Variants in CHSY1 observed in about 807,000 individuals in gnomAD.
CHSY1 encodes chondroitin sulfate synthase 1, also known as N-acetylgalactosaminyl-proteoglycan 3-beta-glucuronosyltransferase 1.
A neutral mutation model predicts 59.8 loss-of-function variants in CHSY1; 13 were observed. The ratio of observed to expected loss-of-function variants is 0.22; its 90% CI spans 0.14 to 0.35. CHSY1 has a LOEUF of 0.35. Among genes scored for constraint, CHSY1 ranks in the 10% least tolerant of loss-of-function variants. CHSY1 has a pLI of 1.00. For missense variants in CHSY1, 947 were observed against 1,030.6 expected (o/e 0.92, Z 1.11); for synonymous variants, 459 against 401.2 (o/e 1.14, Z -1.72).
chr15:101,193,267 G>A (rs776694604), intron 2 of CHSY1, among the ~76,000 whole-genome samples: 18 of 152,236 alleles, frequency 1.2e-4, no homozygotes. Flanking sequence ...GGAGAACCAC[G>A]AAGCTGGGGA....
At chr15:101,191,633 A>G (rs4489986) in intron 2 of CHSY1, among the ~76,000 whole-genome samples, 15,894 of 152,286 alleles carry the variant, frequency 0.1, 886 homozygotes, top group East Asian at 0.21. Context: ...ACTCTGGTAC[A>G]AGGTGTCCAT....
chr15:101,181,761 A>C (rs1316021602), intron 2 of CHSY1, among the ~76,000 whole-genome samples: 1 of 152,164 alleles, frequency 6.6e-6, no homozygotes, highest in African/African-American at 2.4e-5. Flanking sequence ...CTCTCTTCCC[A>C]AATACAGTGG....
chr15:101,188,605 A>AG (rs1555433462), intron 2 of CHSY1, among the ~76,000 whole-genome samples: 1 of 151,918 alleles, frequency 6.6e-6, no homozygotes, highest in African/African-American at 2.4e-5. Context: ...TAAAAAAAAA[A>AG]AGAGAATTAT....
chr15:101,183,230 A>T (rs1596424522), intron 2 of CHSY1, among the ~76,000 whole-genome samples: 1 of 152,208 alleles, frequency 6.6e-6, no homozygotes, highest in Non-Finnish European at 1.5e-5. Context: ...ATATAAAAAA[A>T]TGGATCCAGA....
chr15:101,198,437 T>G (rs1431668809), intron 2 of CHSY1, among the ~76,000 whole-genome samples: 2 of 152,144 alleles, frequency 1.3e-5, no homozygotes, highest in East Asian at 3.9e-4. Flanking sequence ...TCGTAAGTCT[T>G]AAGTTGGCTA....
intron 2 of CHSY1, among the ~76,000 whole-genome samples, chr15:101,189,834 G>A (rs2038422321): frequency 6.6e-6 from 1 of 152,248 alleles, no homozygotes; most frequent in South Asian, 2.1e-4. Context: ...AGCGGCGCTG[G>A]GACAGTGGAG....
chr15:101,178,117 G>A lies in CHSY1; in HGVS notation c.1680C>T (p.Ile560=), dbSNP rs753655967. Residue 560 remains isoleucine, a synonymous_variant, in exon 3 of 3, where the codon ATC becomes ATT. Coordinates refer to ENST00000254190, the MANE Select transcript of CHSY1 (RefSeq NM_014918.5). ...CCACGAGCTTGACGTTCTGATTGGG[G>A]ATAAGACACGTCTTCTCAAAGTTTC... ...FMGNFEKTCL[I]PNQNVKLVVL... is the part of the protein sequence containing the mutation. 40 of 1,614,054 alleles carry A rather than the reference G, an allele frequency of 2.5e-5. 1 individual carries two copies. In the South Asian group the frequency reaches 4.2e-4, roughly 17 times the overall value.
intron 2 of CHSY1, among the ~76,000 whole-genome samples, chr15:101,232,006 C>G (rs2038897592): frequency 6.6e-6 from 1 of 152,180 alleles, no homozygotes; most frequent in Non-Finnish European, 1.5e-5. Context: ...AACATTATTT[C>G]CAAACAAAGT....
In CHSY1 at chr15:101,188,122, A is replaced by G. The variant is rs138648067; in HGVS notation, c.817-9142T>C. ...TTCAGCACGTACACGGTTCAGCCTC[A>G]GCTACAGACCATCACTGCTACAGAG... On this transcript the variant is annotated intron_variant, in intron 2 of 2. Transcript: ENST00000254190. 518 of 985,440 alleles carry G rather than the reference A, an allele frequency of 5.3e-4. 6 individuals are homozygous for G. The African/African-American group carries it at 7.6e-3, about 14-fold the overall frequency. The allele number at this position is 985,440 out of a possible 1,614,324, so 61.0% of individuals were successfully genotyped here.
At chr15:101,199,173 C>T (rs2038542709) in intron 2 of CHSY1, among the ~76,000 whole-genome samples, 1 of 152,178 alleles carries the variant, frequency 6.6e-6, no homozygotes, top group African/African-American at 2.4e-5. Flanking sequence ...GCGCCTCCAG[C>T]TTCCTACCTT....
At chr15:101,215,772 C>A (rs1394522388) in intron 2 of CHSY1, among the ~76,000 whole-genome samples, 2 of 152,196 alleles carry the variant, frequency 1.3e-5, no homozygotes, top group East Asian at 1.9e-4. Context: ...AATGAATGAA[C>A]AATTCATGTA....
chr15:101,239,927 G>A (rs2038986198), intron 1 of CHSY1, among the ~76,000 whole-genome samples: 1 of 152,174 alleles, frequency 6.6e-6, no homozygotes, highest in African/African-American at 2.4e-5. Flanking sequence ...GGCCCCAGCA[G>A]TACAACCAGC....
intron 2 of CHSY1, among the ~76,000 whole-genome samples, chr15:101,211,263 G>C (rs1165377763): frequency 6.6e-6 from 1 of 152,218 alleles, no homozygotes; most frequent in African/African-American, 2.4e-5. Flanking sequence ...GATGGAGGTT[G>C]CAGTGAGCTG....
chr15:101,194,469 C>T (rs1263071369), intron 2 of CHSY1, among the ~76,000 whole-genome samples: 2 of 152,198 alleles, frequency 1.3e-5, no homozygotes, highest in Non-Finnish European at 2.9e-5. Flanking sequence ...AATTTCTAAA[C>T]TAATTTTAGA....
At chr15:101,222,135 A>G (rs2038795441) in intron 2 of CHSY1, among the ~76,000 whole-genome samples, 1 of 152,222 alleles carries the variant, frequency 6.6e-6, no homozygotes, top group Non-Finnish European at 1.5e-5. Flanking sequence ...CAGCCCTCAC[A>G]CACAAAGACC....
chr15:101,218,624 G>C (rs1444572581), intron 2 of CHSY1, among the ~76,000 whole-genome samples: 1 of 152,114 alleles, frequency 6.6e-6, no homozygotes, highest in African/African-American at 2.4e-5. Flanking sequence ...TTAAACTTAC[G>C]TTAAAACAGG....
At chr15:101,220,531 C>T (rs907389558) in intron 2 of CHSY1, among the ~76,000 whole-genome samples, 1 of 152,160 alleles carries the variant, frequency 6.6e-6, no homozygotes, top group African/African-American at 2.4e-5. Context: ...GTCACCTGGT[C>T]CCAGTCACTT....
At chr15:101,184,917 A>G (rs994322584) in intron 2 of CHSY1, among the ~76,000 whole-genome samples, 1 of 152,228 alleles carries the variant, frequency 6.6e-6, no homozygotes, top group Non-Finnish European at 1.5e-5. Context: ...ACATACCTGT[A>G]ATGATCTTTA....
At chr15:101,233,001 G>A (rs1246240686) in intron 2 of CHSY1, among the ~76,000 whole-genome samples, 1 of 152,020 alleles carries the variant, frequency 6.6e-6, no homozygotes, top group Non-Finnish European at 1.5e-5. Flanking sequence ...CCCAAGGCAG[G>A]GAGACGGGAC....
Sources: gnomAD v4.1 joint callset for allele counts (sites outside exome capture counted in the v4.1 genomes callset) on GRCh38, gnomAD v4.1.1 for gene constraint, MANE v1.5 for transcripts, NCBI Gene and HGNC (gene_info 2026-07-23, HGNC 2026-07-21) for gene names.